CFAP47: variants seen among roughly 807,000 people sequenced by gnomAD.
CFAP47 encodes cilia- and flagella-associated protein 47.
CFAP47 carries 29 observed loss-of-function variants against 148.1 expected under a neutral mutation model. That is an observed-to-expected ratio of 0.20 (90% confidence interval 0.15 to 0.27). The LOEUF (loss-of-function observed/expected upper bound fraction) is 0.27, where lower values mean the gene tolerates loss of function less well. CFAP47 is among the 10% of genes least tolerant of loss of function. The pLI, the probability that CFAP47 is intolerant of heterozygous loss-of-function variation, is 1.00. For missense variants in CFAP47, 1,872 were observed against 1,697.5 expected, an observed-to-expected ratio of 1.10 and a Z score of -1.81; for synonymous variants, 664 against 577.3, an observed-to-expected ratio of 1.15 and a Z score of -2.15.
rs745784883 is a variant in CFAP47, at chrX:36,065,630, T to A, written c.4218-13T>A. On this transcript the variant is annotated splice_polypyrimidine_tract_variant and intron_variant, in intron 26 of 63. Coordinates refer to ENST00000378653, the MANE Select transcript of CFAP47 (RefSeq NM_001304548.2). ...ATTTTTATTGTATTGAAATGCAATGTTTTCACTTTCAGGTTTTCACTTCCA... is the reference window on the plus strand; with the variant it reads ...ATTTTTATTGTATTGAAATGCAATGATTTCACTTTCAGGTTTTCACTTCCA... The A allele has an allele frequency of 5.4e-6, 6 of 1,110,050 alleles. No individual in the cohort carries two copies. In the African/African-American group the frequency reaches 1.1e-4, roughly 20 times the overall value. The allele number at this position is 1,110,050 out of a possible 1,213,427, so 91.5% of individuals were successfully genotyped here.
At chrX:36,071,290 G>T (rs1320654700) in intron 27 of CFAP47, among the ~76,000 whole-genome samples, 2 of 112,257 alleles carry the variant, frequency 1.8e-5, no homozygotes, top group East Asian at 5.6e-4. Context: ...GTTGGATTCA[G>T]ATTTACACTG....
chrX:36,141,770 T>A (rs1386441291), intron 35 of CFAP47, among the ~76,000 whole-genome samples: 1 of 110,715 alleles, frequency 9.0e-6, no homozygotes, highest in African/African-American at 3.4e-5. Flanking sequence ...TTATCAGAGA[T>A]TCAGTTTTGC....
intron 62 of CFAP47, chrX:36,375,224 G>T: frequency 8.3e-6 from 2 of 242,177 alleles, no homozygotes; most frequent in East Asian, 2.0e-4. Flanking sequence ...AATGGGAGGG[G>T]AGAGCGCACG....
chrX:36,369,829 T>G (rs782029736), intron 62 of CFAP47, among the ~76,000 whole-genome samples: 1 of 111,874 alleles, frequency 8.9e-6, no homozygotes, highest in South Asian at 3.7e-4. Flanking sequence ...ATTTTATTGG[T>G]TACAAAGGGG....
intron 22 of CFAP47, among the ~76,000 whole-genome samples, chrX:36,018,502 T>A (rs181670468): frequency 8.9e-6 from 1 of 111,977 alleles, no homozygotes; most frequent in Non-Finnish European, 1.9e-5. Context: ...TTTTATTACG[T>A]TGAGGAATTG....
chrX:35,966,900 C>G (rs1936416001), intron 9 of CFAP47, 146 bp downstream of exon 9: 1 of 321,538 alleles, frequency 3.1e-6, no homozygotes, highest in African/African-American at 2.8e-5. Flanking sequence ...CTGCAACTAT[C>G]AGGTCTAAAG....
At position 36,138,367 on chromosome X, in the gene CFAP47, A is replaced by G. The variant is rs200538478; in HGVS notation, c.5438A>G (p.Asn1813Ser). 5.2e-5 allele frequency: 59 copies of G among 1,138,102 alleles called. No homozygotes were observed. In the East Asian group the frequency reaches 1.2e-3, roughly 23 times the overall value. 93.8% of individuals were successfully genotyped at this position (1,138,102 alleles called of 1,213,427 possible). ...CPFLIESHFI[N>S]MYTRPKSPEE... ...TTACAGATTGAGTCTCATTTTATAA[A>G]TATGTACACACGACCAAAAAGTCCT... is the stretch of plus-strand genomic sequence containing the variant. The change falls in exon 35 of 64, where the codon AAT (asparagine) becomes AGT (serine). Residue 1813 changes from asparagine (N) to serine (S), a missense_variant. Physicochemically the swap from Asn to Ser is conservative, Grantham distance 46. Transcript: ENST00000378653.
Position 36,019,336 on chromosome X carries a change from G to A in CFAP47, c.3556+4424G>A, listed in dbSNP as rs767252192. On this transcript the variant is annotated intron_variant, in intron 22 of 63. Transcript: ENST00000378653. ...GTAAAGATTCAAGGCCAGGTTCCTC[G>A]GCCTAAAGCAAACACGATTTGCAGG... 5.4e-5 allele frequency among the ~76,000 whole-genome samples: 6 copies of A among 111,778 alleles called. No individual in the cohort carries two copies. The East Asian group carries it at 1.4e-3, about 26-fold the overall frequency.
chrX:36,045,029 A>G (rs1049719538), intron 25 of CFAP47, among the ~76,000 whole-genome samples: 10 of 112,023 alleles, frequency 8.9e-5, no homozygotes, highest in African/African-American at 3.2e-4. Flanking sequence ...AGGATATTGT[A>G]CTTCTTCCTT....
intron 32 of CFAP47, among the ~76,000 whole-genome samples, chrX:36,102,463 GA>G (rs1264858465): frequency 9.0e-6 from 1 of 111,730 alleles, no homozygotes; most frequent in Non-Finnish European, 1.9e-5. Context: ...CTGTGGTAAA[GA>G]GAAAATTAAT....
chrX:36,315,902 TC>T (rs1218881038), intron 56 of CFAP47, among the ~76,000 whole-genome samples: 4 of 111,405 alleles, frequency 3.6e-5, no homozygotes, highest in African/African-American at 1.3e-4. Flanking sequence ...TTTCCTGAGG[TC>T]ACGTCCCAAA....
At chrX:36,241,283 T>C (rs1940540450) in intron 48 of CFAP47, among the ~76,000 whole-genome samples, 1 of 111,899 alleles carries the variant, frequency 8.9e-6, no homozygotes, top group Non-Finnish European at 1.9e-5. Context: ...CCAGGGGCTT[T>C]CCTGCATGAA....
At chrX:36,334,000 G>A (rs1185135834) in intron 57 of CFAP47, among the ~76,000 whole-genome samples, 2 of 111,418 alleles carry the variant, frequency 1.8e-5, no homozygotes, top group Non-Finnish European at 3.8e-5. Flanking sequence ...AAATGTAGCT[G>A]AATAAAAATA....
intron 44 of CFAP47, among the ~76,000 whole-genome samples, chrX:36,202,264 G>A (rs1477300956): frequency 9.0e-6 from 1 of 111,322 alleles, no homozygotes; most frequent in African/African-American, 3.3e-5. Context: ...CAGCCAAAGC[G>A]ATTGTTGTAA....
At chrX:36,313,221 T>G (rs1282957504) in intron 56 of CFAP47, among the ~76,000 whole-genome samples, 1 of 111,424 alleles carries the variant, frequency 9.0e-6, no homozygotes, top group East Asian at 2.8e-4. Context: ...TACCTGAGAA[T>G]TGGTAATTTA....
chrX:36,147,796 C>T lies in CFAP47; in HGVS notation c.5671-1312C>T, dbSNP rs777763892. On this transcript the variant is annotated intron_variant, in intron 36 of 63. Coordinates refer to ENST00000378653, the MANE Select transcript of CFAP47 (RefSeq NM_001304548.2). ...CAGATTTTCATCATATTCCTTATGACTCACTATAACCATACCTACTGCTAC... is the reference window on the plus strand; with the variant it reads ...CAGATTTTCATCATATTCCTTATGATTCACTATAACCATACCTACTGCTAC... 3.8e-3 allele frequency among the ~76,000 whole-genome samples: 431 copies of T among 112,433 alleles called. 5 individuals are homozygous for T. The highest frequency in any genetic ancestry group is 0.013 in the African/African-American group (414 of 30,984).
At chrX:36,226,223 A>G (rs1555991510) in intron 45 of CFAP47, among the ~76,000 whole-genome samples, 2 of 111,893 alleles carry the variant, frequency 1.8e-5, no homozygotes, top group African/African-American at 3.2e-5. Context: ...ACACATATCC[A>G]TAAATCCATG....
At chrX:36,177,431 A>C (rs897567179) in intron 39 of CFAP47, among the ~76,000 whole-genome samples, 17 of 112,058 alleles carry the variant, frequency 1.5e-4, no homozygotes, top group Non-Finnish European at 3.8e-5. Flanking sequence ...AAATGTTGGA[A>C]TATTCTTCTG....
At chrX:35,927,165 A>T (rs2146616068) in intron 2 of CFAP47, among the ~76,000 whole-genome samples, 1 of 109,743 alleles carries the variant, frequency 9.1e-6, no homozygotes, top group Non-Finnish European at 1.9e-5. Context: ...AAAAAAAAAA[A>T]AAAAATTCCC....
Sources: gnomAD v4.1 joint callset for allele counts (sites outside exome capture counted in the v4.1 genomes callset) on GRCh38, gnomAD v4.1.1 for gene constraint, MANE v1.5 for transcripts, NCBI Gene and HGNC (gene_info 2026-07-23, HGNC 2026-07-21) for gene names.